PARD3B: variants seen among roughly 807,000 people sequenced by gnomAD.
PARD3B encodes the protein partitioning defective 3 homolog B.
Under a neutral mutation model 130.2 loss-of-function variants are expected in PARD3B, and 103 were observed. That is an observed-to-expected ratio of 0.79 (90% CI 0.67 to 0.93). The LOEUF is 0.93. Ranked by LOEUF, PARD3B falls within the 40% of genes least tolerant of loss-of-function variation. PARD3B has a pLI of 0.00. For synonymous variants in PARD3B, 583 were observed against 553.2 expected (o/e 1.05, Z -0.76); for missense variants, 1,609 against 1,499.2 (o/e 1.07, Z -1.21).
In PARD3B at chr2:205,249,006, GTT is replaced by G. The variant is rs10707308; in HGVS notation, c.2185+3204_2185+3205del. ...TCAGAATATTTAGGTTAAAATAAGA[GTT>G]TTTTTTTTTTTTTTTTTTTGAGACA... On this transcript the variant is annotated intron_variant, in intron 16 of 22. Coordinates refer to ENST00000406610, the MANE Select transcript of PARD3B (RefSeq NM_001302769.2). Among the ~76,000 whole-genome samples, 133 of 95,094 alleles carry G rather than the reference GTT, an allele frequency of 1.4e-3. 1 individual carries two copies. Among genetic ancestry groups the G allele is most frequent in the African/African-American group, 3.6e-3 (77 of 21,478 alleles). The allele number at this position is 95,094 out of a possible 152,430, so 62.4% of individuals were successfully genotyped here.
In PARD3B at chr2:205,591,262, C is replaced by G. The variant is rs1385914316; in HGVS notation, c.3261-24194C>G. ...TATAAGTTTTTTCAATGAACATAGT[C>G]CATACATTTTGGGAAAGTGGTAATA... On this transcript the variant is annotated intron_variant, in intron 22 of 22. Coordinates refer to ENST00000406610, the MANE Select transcript of PARD3B (RefSeq NM_001302769.2). This position sits in a 1 kb window ranked among gnomAD's most constrained non-coding sequence, Gnocchi z 4.2. Among the ~76,000 whole-genome samples the G allele has an allele frequency of 6.6e-6, 1 of 152,092 alleles. No homozygotes were observed. The highest frequency in any genetic ancestry group is 1.5e-5 in the Non-Finnish European group (1 of 68,042).
intron 4 of PARD3B, among the ~76,000 whole-genome samples, chr2:205,102,071 C>T (rs1702823171): frequency 6.6e-6 from 1 of 152,094 alleles, no homozygotes; most frequent in Admixed American, 6.5e-5. Context: ...TAAGGCAATC[C>T]TTTAGATGAC....
At chr2:204,697,376 T>TA (rs982512371) in intron 2 of PARD3B, among the ~76,000 whole-genome samples, 2 of 152,136 alleles carry the variant, frequency 1.3e-5, no homozygotes, top group Non-Finnish European at 1.5e-5. Context: ...TGAGTGATCA[T>TA]AGAAAAGGTA....
chr2:204,984,049 C>G (rs1298011851), intron 3 of PARD3B, among the ~76,000 whole-genome samples: 2 of 152,046 alleles, frequency 1.3e-5, no homozygotes, highest in African/African-American at 4.8e-5. Context: ...ATCTAATTCT[C>G]AGATCCAGCC....
chr2:205,374,537 C>T (rs1203154189), intron 18 of PARD3B, among the ~76,000 whole-genome samples: 4 of 152,118 alleles, frequency 2.6e-5, no homozygotes, highest in East Asian at 3.9e-4. Context: ...CCGGCCCAAC[C>T]ACTTTAATTT....
intron 2 of PARD3B, among the ~76,000 whole-genome samples, chr2:204,824,791 A>T (rs1178738058): frequency 6.6e-6 from 1 of 152,174 alleles, no homozygotes; most frequent in Non-Finnish European, 1.5e-5. Flanking sequence ...TCTAATGCTG[A>T]GGCTGTGAAC....
At chr2:204,791,169 G>T (rs2042189391) in intron 2 of PARD3B, among the ~76,000 whole-genome samples, 1 of 152,036 alleles carries the variant, frequency 6.6e-6, no homozygotes, top group Non-Finnish European at 1.5e-5. Flanking sequence ...AAGCCCAAAG[G>T]CTTTCCTTTA....
chr2:205,062,451 C>T (rs1248718368), intron 4 of PARD3B, among the ~76,000 whole-genome samples: 1 of 152,102 alleles, frequency 6.6e-6, no homozygotes, highest in African/African-American at 2.4e-5. Flanking sequence ...CGCTCCCACC[C>T]AAACCCAGAA....
At chr2:204,873,401 T>A (rs560934806) in intron 2 of PARD3B, among the ~76,000 whole-genome samples, 1 of 152,274 alleles carries the variant, frequency 6.6e-6, no homozygotes, top group South Asian at 2.1e-4. Flanking sequence ...AGATTTAGAC[T>A]CGGTTGTCTG....
chr2:205,189,337 T>C (rs2036268361), intron 14 of PARD3B, among the ~76,000 whole-genome samples: 1 of 152,228 alleles, frequency 6.6e-6, no homozygotes, highest in South Asian at 2.1e-4. Context: ...TTGGCTCTTA[T>C]ACATCTTTTA....
Position 205,388,758 on chromosome 2 carries a change from G to A in PARD3B, c.2631-12255G>A, listed in dbSNP as rs144221402. Among the ~76,000 whole-genome samples the A allele has an allele frequency of 4.3e-4, 65 of 152,270 alleles. 2 individuals carry two copies. The East Asian group carries it at 0.011, about 26-fold the overall frequency. Reference sequence around the variant, plus strand: ...AGGCCCCTCTGGATAAAGGGGAAATGTTGTTGATCACAATGGCCCCGAAAT... The same window carrying A: ...AGGCCCCTCTGGATAAAGGGGAAATATTGTTGATCACAATGGCCCCGAAAT... On this transcript the variant is annotated intron_variant, in intron 18 of 22. Transcript: ENST00000406610.
rs71712626 is a variant in PARD3B, at chr2:205,553,023, A to AAAG, written c.3181-280_3181-278dup. Among the ~76,000 whole-genome samples, 72 of 151,484 alleles carry AAAG rather than the reference A, an allele frequency of 4.8e-4. 1 individual carries two copies. The highest frequency in any genetic ancestry group is 1.6e-3 in the African/African-American group (68 of 41,282). ...CTAAAAACTAAAGTCGGTTTTAAAA[A>AAAG]AAGAAGAAGAAGAAGAAGAAGAAAA... On this transcript the variant is annotated intron_variant, in intron 21 of 22. Coordinates refer to ENST00000406610, the MANE Select transcript of PARD3B (RefSeq NM_001302769.2).
intron 15 of PARD3B, among the ~76,000 whole-genome samples, chr2:205,238,837 A>AAG (rs1482923255): frequency 8.5e-5 from 6 of 70,354 alleles, no homozygotes; most frequent in African/African-American, 4.6e-4. Context: ...CTCCGTTTCA[A>AAG]AAAAAAAAAA....
chr2:204,813,067 C>G (rs1181486193), intron 2 of PARD3B, among the ~76,000 whole-genome samples: 1 of 152,026 alleles, frequency 6.6e-6, no homozygotes, highest in African/African-American at 2.4e-5. Flanking sequence ...TTTTATTTCT[C>G]TTTGTAAATA....
In PARD3B at chr2:205,011,685, A is replaced by C. The variant is rs755305172; in HGVS notation, c.395-35896A>C. Among the ~76,000 whole-genome samples, 1 of 152,048 alleles carries C rather than the reference A, an allele frequency of 6.6e-6. No homozygotes were observed. The highest frequency in any genetic ancestry group is 1.5e-5 in the Non-Finnish European group (1 of 68,000). ...TTTCCGCAGAGAAAGACTCCTCTCC[A>C]TGTGCCTTACCTGAAGATTTAAGCC... On this transcript the variant is annotated intron_variant, in intron 3 of 22. Coordinates refer to ENST00000406610, the MANE Select transcript of PARD3B (RefSeq NM_001302769.2). This position sits in a 1 kb window ranked among gnomAD's most constrained non-coding sequence, Gnocchi z 4.1.
chr2:204,902,532 G>A (rs1335826138), intron 2 of PARD3B, among the ~76,000 whole-genome samples: 4 of 151,972 alleles, frequency 2.6e-5, no homozygotes, highest in Non-Finnish European at 5.9e-5. Context: ...AGCCGGGCGT[G>A]GTGGCGGGCG....
intron 19 of PARD3B, among the ~76,000 whole-genome samples, chr2:205,420,599 C>T (rs2046935511): frequency 6.6e-6 from 1 of 152,194 alleles, no homozygotes; most frequent in Non-Finnish European, 1.5e-5. Context: ...GAGGAGGATG[C>T]TGCCTCCCAT....
At chr2:205,387,021 C>G (rs1010841359) in intron 18 of PARD3B, among the ~76,000 whole-genome samples, 3 of 152,104 alleles carry the variant, frequency 2.0e-5, no homozygotes, top group African/African-American at 7.2e-5. Flanking sequence ...ATTGAACAAG[C>G]TTATTTTTGA....
At position 205,187,996 on chromosome 2, in the gene PARD3B, C is replaced by T. The variant is rs2036192694; in HGVS notation, c.2024+2133C>T. On this transcript the variant is annotated intron_variant, in intron 14 of 22. Coordinates refer to ENST00000406610, the MANE Select transcript of PARD3B (RefSeq NM_001302769.2). This position sits in a 1 kb window ranked among gnomAD's most constrained non-coding sequence, Gnocchi z 4.9. Reference sequence around the variant, plus strand: ...TATTTCTGGAGCTCTGAGCCAGACACTGTAGAAAGAACTCAAATGGATTGG... The same window carrying T: ...TATTTCTGGAGCTCTGAGCCAGACATTGTAGAAAGAACTCAAATGGATTGG... Among the ~76,000 whole-genome samples, 1 of 152,212 alleles carries T rather than the reference C, an allele frequency of 6.6e-6. No individual in the cohort carries two copies.
Sources: gnomAD v4.1 joint callset for allele counts (sites outside exome capture counted in the v4.1 genomes callset) on GRCh38, gnomAD v4.1.1 for gene constraint, Gnocchi (gnomAD v3.1) non-coding constraint, MANE v1.5 for transcripts, NCBI Gene and HGNC (gene_info 2026-07-23, HGNC 2026-07-21) for gene names.